The following MCU variants were observed in gnomAD, a reference collection of about 807,000 sequenced individuals.
The protein encoded by MCU is mitochondrial calcium uniporter.
A neutral mutation model predicts 45.2 loss-of-function variants in MCU; 12 were observed. The observed-to-expected ratio is 0.27, with a 90% CI of 0.17 to 0.43. MCU has a LOEUF of 0.43. Among genes scored for constraint, MCU ranks in the 20% least tolerant of loss-of-function variants. MCU has a pLI of 1.00. For synonymous variants in MCU, 160 were observed against 165.1 expected (o/e 0.97, Z 0.24); for missense variants, 324 against 436.7 (o/e 0.74, Z 2.30).
intron 1 of MCU, among the ~76,000 whole-genome samples, chr10:72,801,751 A>G (rs1252599927): frequency 6.7e-6 from 1 of 149,920 alleles, no homozygotes; most frequent in Non-Finnish European, 1.5e-5. Flanking sequence ...GGCTCACTGC[A>G]ACCTCTACCT....
intron 6 of MCU, among the ~76,000 whole-genome samples, chr10:72,879,919 A>G (rs1187134978): frequency 6.6e-6 from 1 of 152,122 alleles, no homozygotes; most frequent in Admixed American, 6.5e-5. Context: ...ATGGTGGCAC[A>G]CACCTGTAAT....
In MCU at chr10:72,746,123, T is replaced by C. The variant is rs552798366; in HGVS notation, c.150+53822T>C. ...TTCTCATTTATTCACTCAACAAATATTTGTTGAGCATCTTTTGTGTGCACA... is the reference window on the plus strand; with the variant it reads ...TTCTCATTTATTCACTCAACAAATACTTGTTGAGCATCTTTTGTGTGCACA... On this transcript the variant is annotated intron_variant, in intron 1 of 7. Coordinates refer to ENST00000373053, the MANE Select transcript of MCU (RefSeq NM_138357.3). Among the ~76,000 whole-genome samples, 7 of 152,314 alleles carry C rather than the reference T, an allele frequency of 4.6e-5. No individual in the cohort carries two copies. The East Asian group carries it at 1.3e-3, about 29-fold the overall frequency.
At chr10:72,849,427 T>G (rs928414480) in intron 2 of MCU, among the ~76,000 whole-genome samples, 1 of 152,104 alleles carries the variant, frequency 6.6e-6, no homozygotes, top group Non-Finnish European at 1.5e-5. Flanking sequence ...TGGTTGAGAT[T>G]ATGGGTGGTT....
chr10:72,692,441 C>G (rs1220405440), intron 1 of MCU, 140 bp downstream of exon 1: 2 of 778,220 alleles, frequency 2.6e-6, no homozygotes, highest in South Asian at 1.2e-4. Flanking sequence ...ACCGAGGAGC[C>G]GCCGTGCCCT....
rs1011676787 is a variant in MCU at position 72,806,818 on chromosome 10, A to T, written c.151-27541A>T. Among the ~76,000 whole-genome samples, 3 of 152,342 alleles carry T rather than the reference A, an allele frequency of 2.0e-5. No homozygotes were observed. The East Asian group carries it at 5.8e-4, about 29-fold the overall frequency. On this transcript the variant is annotated intron_variant, in intron 1 of 7. Transcript: ENST00000373053. ...TGATGAGAAGGAACCAATCATGCAA[A>T]AAGAATCTATGGAAGGAATACTTCA...
At chr10:72,711,410 G>T (rs540147821) in intron 1 of MCU, among the ~76,000 whole-genome samples, 1 of 151,738 alleles carries the variant, frequency 6.6e-6, no homozygotes, top group Non-Finnish European at 1.5e-5. Flanking sequence ...CAGTAGACAT[G>T]AGGTTTTGCC....
chr10:72,823,066 T>A (rs958774869), intron 1 of MCU, among the ~76,000 whole-genome samples: 2 of 152,204 alleles, frequency 1.3e-5, no homozygotes, highest in African/African-American at 4.8e-5. Context: ...TGTACATAAA[T>A]GTCTATAGCA....
At chr10:72,767,434 A>G (rs538168416) in intron 1 of MCU, among the ~76,000 whole-genome samples, 12 of 152,260 alleles carry the variant, frequency 7.9e-5, no homozygotes, top group East Asian at 1.9e-4. Flanking sequence ...TTTTGATTTG[A>G]CTATATTTAT....
intron 1 of MCU, among the ~76,000 whole-genome samples, chr10:72,735,642 C>G (rs779501288): frequency 6.6e-6 from 1 of 152,134 alleles, no homozygotes; most frequent in Non-Finnish European, 1.5e-5. Flanking sequence ...TAACTAGCCA[C>G]TCAGTATTAG....
At chr10:72,870,347 C>T (rs1361316461) in intron 5 of MCU, among the ~76,000 whole-genome samples, 4 of 152,056 alleles carry the variant, frequency 2.6e-5, no homozygotes, top group Admixed American at 6.5e-5. Flanking sequence ...GGCACGATCT[C>T]GGCTCACTGC....
In MCU at chr10:72,865,186, CAG is replaced by C. The variant is rs1443848204; in HGVS notation, c.497-3516_497-3515del. 3.3e-5 allele frequency among the ~76,000 whole-genome samples: 5 copies of C among 152,160 alleles called. No individual in the cohort carries two copies. In the South Asian group the frequency reaches 6.2e-4, roughly 19 times the overall value. On this transcript the variant is annotated intron_variant, in intron 4 of 7. Coordinates refer to ENST00000373053, the MANE Select transcript of MCU (RefSeq NM_138357.3). ...TAAGAAAAGGCAGAAATTGAAAAAA[CAG>C]GGGATTGTATTTGATTCCCTGGTGA...
intron 1 of MCU, among the ~76,000 whole-genome samples, chr10:72,723,641 A>G (rs1843053699): frequency 6.6e-6 from 1 of 152,200 alleles, no homozygotes; most frequent in South Asian, 2.1e-4. Context: ...TTTGCTCAGC[A>G]TTATACCAAA....
At position 72,859,168 on chromosome 10, in the gene MCU, T is replaced by G. The variant is rs781386682; in HGVS notation, c.221-9T>G. 22 of 1,565,608 alleles carry G rather than the reference T, an allele frequency of 1.4e-5. No individual in the cohort carries two copies. In the Admixed American group the frequency reaches 3.3e-4, roughly 24 times the overall value. On this transcript the variant is annotated splice_polypyrimidine_tract_variant and intron_variant, in intron 2 of 7. Transcript: ENST00000373053. ...AATTATCATATGTTTGTGGGTCTTT[T>G]TCATTCAGATGTTACAGTGGTTTAT... is the stretch of plus-strand genomic sequence containing the variant.
intron 1 of MCU, among the ~76,000 whole-genome samples, chr10:72,767,730 A>G (rs544928410): frequency 4.6e-5 from 7 of 152,264 alleles, no homozygotes; most frequent in Non-Finnish European, 7.3e-5. Flanking sequence ...TTTGTGTTTG[A>G]GTGCTGAGTC....
intron 1 of MCU, among the ~76,000 whole-genome samples, chr10:72,806,152 C>CTTT (rs774464297): frequency 8.2e-4 from 99 of 120,166 alleles, no homozygotes; most frequent in Non-Finnish European, 9.0e-4. Flanking sequence ...CCATGAAGAG[C>CTTT]TTTTTTTTTT....
At chr10:72,723,220 T>C (rs1843049108) in intron 1 of MCU, among the ~76,000 whole-genome samples, 1 of 152,112 alleles carries the variant, frequency 6.6e-6, no homozygotes, top group African/African-American at 2.4e-5. Context: ...AAGAAAATGT[T>C]TATTATCTAG....
intron 6 of MCU, among the ~76,000 whole-genome samples, chr10:72,878,253 G>T (rs113474932): frequency 0.054 from 8,139 of 151,340 alleles, 741 homozygotes; most frequent in African/African-American, 0.19. Flanking sequence ...GAGTAGCTGG[G>T]ACTACAAGCA....
intron 1 of MCU, among the ~76,000 whole-genome samples, chr10:72,772,900 T>A (rs1357754592): frequency 7.1e-6 from 1 of 140,758 alleles, no homozygotes; most frequent in Non-Finnish European, 1.5e-5. Flanking sequence ...AGGTTTTGTT[T>A]GTTTGTTTGT....
chr10:72,782,064 C>T (rs1844002966), intron 1 of MCU, among the ~76,000 whole-genome samples: 1 of 152,142 alleles, frequency 6.6e-6, no homozygotes. Context: ...ATACTCTGCC[C>T]CAGAGCTCTC....
Sources: allele counts gnomAD v4.1 joint callset (sites outside exome capture counted in the v4.1 genomes callset), GRCh38; gene constraint gnomAD v4.1.1; transcripts MANE v1.5; gene names NCBI Gene and HGNC (gene_info 2026-07-23, HGNC 2026-07-21).